The following ARHGAP31 variants were observed in gnomAD, a reference collection of about 807,000 sequenced individuals.
ARHGAP31 encodes the protein rho GTPase-activating protein 31.
A neutral mutation model predicts 113.9 loss-of-function variants in ARHGAP31; 34 were observed. The observed-to-expected ratio is 0.30, with a 90% CI of 0.23 to 0.40. The LOEUF (loss-of-function observed/expected upper bound fraction) is 0.40. Among genes scored for constraint, ARHGAP31 ranks in the 10% least tolerant of loss-of-function variants. ARHGAP31 has a pLI of 1.00. For synonymous variants in ARHGAP31, 650 were observed against 684.8 expected (o/e 0.95, Z 0.79); for missense variants, 1,548 against 1,767.1 (o/e 0.88, Z 2.22).
At chr3:119,400,373 C>T (rs913741487) in intron 9 of ARHGAP31, among the ~76,000 whole-genome samples, 1 of 152,044 alleles carries the variant, frequency 6.6e-6, no homozygotes, top group African/African-American at 2.4e-5. Flanking sequence ...GAGGCAGAGG[C>T]TGAGGCACGA....
At chr3:119,301,097 A>G (rs997978309) in intron 1 of ARHGAP31, among the ~76,000 whole-genome samples, 1 of 152,208 alleles carries the variant, frequency 6.6e-6, no homozygotes, top group African/African-American at 2.4e-5. Flanking sequence ...TACTCTGTGT[A>G]GTCTGGAGAT....
rs1379501099 is a variant in ARHGAP31, at chr3:119,390,682, C to A, written c.683-103C>A. 7 of 1,290,810 alleles carry A rather than the reference C, an allele frequency of 5.4e-6. No individual in the cohort carries two copies. The Admixed American group carries it at 1.2e-4, about 21-fold the overall frequency. 80.0% of individuals were successfully genotyped at this position (1,290,810 alleles called of 1,614,324 possible). Reference sequence around the variant, plus strand: ...CAAGAGAAGCCAGGGTGGCACTCAGCCCCCATCATAGGATCAAGAATGGAG... The same window carrying A: ...CAAGAGAAGCCAGGGTGGCACTCAGACCCCATCATAGGATCAAGAATGGAG... On this transcript the variant is annotated intron_variant, in intron 6 of 11. Transcript: ENST00000264245.
intron 7 of ARHGAP31, among the ~76,000 whole-genome samples, chr3:119,391,374 C>T (rs1299540614): frequency 6.6e-5 from 10 of 151,988 alleles, no homozygotes; most frequent in East Asian, 1.9e-4. Flanking sequence ...TCCATCCCCA[C>T]GTGACGATAC....
intron 1 of ARHGAP31, among the ~76,000 whole-genome samples, chr3:119,342,786 C>T (rs1252621185): frequency 6.6e-6 from 1 of 152,026 alleles, no homozygotes; most frequent in Non-Finnish European, 1.5e-5. Flanking sequence ...CCCATCTCTA[C>T]TAAAAATACG....
At chr3:119,326,698 G>A (rs2079847036) in intron 1 of ARHGAP31, among the ~76,000 whole-genome samples, 1 of 152,200 alleles carries the variant, frequency 6.6e-6, no homozygotes, top group Non-Finnish European at 1.5e-5. Flanking sequence ...TCAGAAACCT[G>A]TGTTTTAGTG....
intron 1 of ARHGAP31, among the ~76,000 whole-genome samples, chr3:119,339,044 G>A (rs1468846091): frequency 6.6e-6 from 1 of 152,216 alleles, no homozygotes; most frequent in Non-Finnish European, 1.5e-5. Flanking sequence ...AATGAGAAGT[G>A]GAAATTTGGG....
In ARHGAP31 at chr3:119,301,216, C is replaced by T. The variant is rs74974176; in HGVS notation, c.100+6212C>T. ...GGCCACAGGGACAGCCTCACCCTTT[C>T]TCCTCCCCTTTCTACCCGCACTGGC... is the stretch of plus-strand genomic sequence containing the variant. On this transcript the variant is annotated intron_variant, in intron 1 of 11. Transcript: ENST00000264245. Among the ~76,000 whole-genome samples, 1,497 of 152,328 alleles carry T rather than the reference C, an allele frequency of 9.8e-3. 15 individuals are homozygous for T. Among genetic ancestry groups the T allele is most frequent in the African/African-American group, 0.033 (1,371 of 41,562 alleles).
Position 119,305,358 on chromosome 3 carries a change from C to G in ARHGAP31, c.100+10354C>G, listed in dbSNP as rs530456931. On this transcript the variant is annotated intron_variant, in intron 1 of 11. Coordinates refer to ENST00000264245, the MANE Select transcript of ARHGAP31 (RefSeq NM_020754.4). ...TTTTTCAAAGTAAAACACTTAGGTT[C>G]CAAATGGCAGGATTCTAAACAGAGA... 3.3e-5 allele frequency among the ~76,000 whole-genome samples: 5 copies of G among 152,302 alleles called. No individual in the cohort carries two copies. The South Asian group carries it at 1.0e-3, about 32-fold the overall frequency.
chr3:119,342,957 A>AT (rs1211471573), intron 1 of ARHGAP31, among the ~76,000 whole-genome samples: 4 of 152,124 alleles, frequency 2.6e-5, no homozygotes, highest in African/African-American at 9.7e-5. Context: ...CTCAAAAAAA[A>AT]AAAATAAAAA....
At chr3:119,295,063 G>T in intron 1 of ARHGAP31, 59 bp downstream of exon 1, 2 of 1,489,210 alleles carry the variant, frequency 1.3e-6, no homozygotes, top group South Asian at 2.3e-5. Context: ...AGGGAGAGAC[G>T]GACTCTCTCG....
intron 1 of ARHGAP31, among the ~76,000 whole-genome samples, chr3:119,345,580 C>T (rs2080049333): frequency 6.6e-6 from 1 of 152,288 alleles, no homozygotes; most frequent in East Asian, 1.9e-4. Context: ...ATGGGGCCTC[C>T]TGTTTTGCTT....
rs74875715 is a variant in ARHGAP31 at position 119,317,879 on chromosome 3, T to C, written c.100+22875T>C. Among the ~76,000 whole-genome samples, 991 of 152,252 alleles carry C rather than the reference T, an allele frequency of 6.5e-3. 16 individuals are homozygous for C. The highest frequency in any genetic ancestry group is 0.062 in the East Asian group (320 of 5,176). On this transcript the variant is annotated intron_variant, in intron 1 of 11. Coordinates refer to ENST00000264245, the MANE Select transcript of ARHGAP31 (RefSeq NM_020754.4). ...ACTGAGGAATATGGAGATAAAAATA[T>C]TTGCTTTGATAGGCCTAAAAGAGAT...
intron 8 of ARHGAP31, among the ~76,000 whole-genome samples, chr3:119,397,305 C>T (rs1389297981): frequency 2.6e-5 from 4 of 152,324 alleles, no homozygotes; most frequent in South Asian, 2.1e-4. Context: ...CAAAGGTGGA[C>T]ACCGATGGAC....
intron 1 of ARHGAP31, among the ~76,000 whole-genome samples, chr3:119,337,106 G>C (rs751952108): frequency 2.0e-5 from 3 of 152,154 alleles, no homozygotes; most frequent in Non-Finnish European, 4.4e-5. Flanking sequence ...TAATGGTGCT[G>C]TGTCCAGAAT....
intron 1 of ARHGAP31, among the ~76,000 whole-genome samples, chr3:119,339,604 G>A (rs1173031627): frequency 6.6e-6 from 1 of 152,092 alleles, no homozygotes; most frequent in South Asian, 2.1e-4. Flanking sequence ...CCGACCCGCC[G>A]CATCTCCGAC....
chr3:119,365,235 T>C (rs2080243486), intron 1 of ARHGAP31, 81 bp from the exon 2 acceptor site: 17 of 1,199,134 alleles, frequency 1.4e-5, no homozygotes, highest in Non-Finnish European at 2.0e-5. Context: ...TGAAGGTACC[T>C]GGATTTTTAA....
intron 10 of ARHGAP31, 134 bp from the exon 11 acceptor site, chr3:119,409,362 C>A: frequency 1.9e-6 from 2 of 1,028,276 alleles, no homozygotes; most frequent in Non-Finnish European, 3.0e-6. Flanking sequence ...AGAGTAAATG[C>A]AAGGGGCGGT....
chr3:119,371,968 C>T (rs766632666), intron 3 of ARHGAP31, among the ~76,000 whole-genome samples: 1 of 152,164 alleles, frequency 6.6e-6, no homozygotes, highest in Non-Finnish European at 1.5e-5. Context: ...CATAGTATTC[C>T]GTGGTGTATA....
At chr3:119,354,729 T>C (rs1000760410) in intron 1 of ARHGAP31, among the ~76,000 whole-genome samples, 2 of 148,972 alleles carry the variant, frequency 1.3e-5, no homozygotes, top group African/African-American at 5.0e-5. Flanking sequence ...AGTTTCACCA[T>C]GTTGGTCAGG....
Sources: allele counts gnomAD v4.1 joint callset (sites outside exome capture counted in the v4.1 genomes callset), GRCh38; gene constraint gnomAD v4.1.1; transcripts MANE v1.5; gene names NCBI Gene and HGNC (gene_info 2026-07-23, HGNC 2026-07-21).